Variants in TCF12 observed in about 807,000 individuals in gnomAD.
The protein encoded by TCF12 is DNA-binding protein HTF4.
TCF12 carries 45 observed loss-of-function variants against 86.0 expected under a neutral mutation model. The ratio of observed to expected loss-of-function variants is 0.52; its 90% CI spans 0.41 to 0.67. The LOEUF (loss-of-function observed/expected upper bound fraction) is 0.67. TCF12 is among the 30% of genes least tolerant of loss of function. TCF12 has a pLI of 0.00. For synonymous variants in TCF12, 330 were observed against 299.6 expected (o/e 1.10, Z -1.05); for missense variants, 881 against 859.9 (o/e 1.02, Z -0.31).
At chr15:57,208,014 GGACCCT>G (rs1419742524) in intron 8 of TCF12, among the ~76,000 whole-genome samples, 1 of 150,150 alleles carries the variant, frequency 6.7e-6, no homozygotes, top group Admixed American at 6.7e-5. Flanking sequence ...AATAAAATAT[GGACCCT>G]GACTTCAAGA....
At chr15:57,212,912 T>C (rs2058174166) in intron 8 of TCF12, among the ~76,000 whole-genome samples, 2 of 152,162 alleles carry the variant, frequency 1.3e-5, no homozygotes, top group Admixed American at 1.3e-4. Context: ...CTCCACAGTT[T>C]TCTGGGACCT....
At chr15:56,918,200 G>A (rs754134492), upstream of TCF12, 8 of 456,148 alleles carry the variant, frequency 1.8e-5, no homozygotes, top group South Asian at 1.2e-4. Flanking sequence ...CGTCCAGCGT[G>A]ACCTACTCGG....
At chr15:57,137,298 A>G (rs1022244953) in intron 5 of TCF12, among the ~76,000 whole-genome samples, 1 of 152,106 alleles carries the variant, frequency 6.6e-6, no homozygotes, top group African/African-American at 2.4e-5. Context: ...GTGTTTCTTA[A>G]TGTGATATCC....
At chr15:57,228,017 A>T (rs920207027) in intron 8 of TCF12, among the ~76,000 whole-genome samples, 1 of 152,086 alleles carries the variant, frequency 6.6e-6, no homozygotes, top group African/African-American at 2.4e-5. Flanking sequence ...AACTAGGGGA[A>T]AAAAACTGGC....
chr15:57,060,631 T>TA (rs2068391994), intron 3 of TCF12, among the ~76,000 whole-genome samples: 1 of 152,216 alleles, frequency 6.6e-6, no homozygotes, highest in South Asian at 2.1e-4. Context: ...CGCATGCATA[T>TA]ACTAGAAATG....
chr15:56,919,821 T>C, intron 1 of TCF12, 71 bp from the exon 2 acceptor site: 1 of 1,384,714 alleles, frequency 7.2e-7, no homozygotes, highest in Non-Finnish European at 1.0e-6. Context: ...TCTTCCCCAG[T>C]ACCTCTCTCT....
chr15:57,016,390 G>C (rs542352530), intron 3 of TCF12, among the ~76,000 whole-genome samples: 19 of 152,282 alleles, frequency 1.2e-4, no homozygotes, highest in African/African-American at 4.6e-4. Flanking sequence ...GAGGAAGCCA[G>C]TTGAATTTCT....
intron 16 of TCF12, among the ~76,000 whole-genome samples, chr15:57,257,984 T>C (rs2060427026): frequency 6.6e-6 from 1 of 152,162 alleles, no homozygotes; most frequent in Non-Finnish European, 1.5e-5. Flanking sequence ...AATTTTTTAG[T>C]AGAAAACTGA....
At chr15:56,955,318 G>T (rs1032929243) in intron 3 of TCF12, among the ~76,000 whole-genome samples, 1 of 151,952 alleles carries the variant, frequency 6.6e-6, no homozygotes, top group African/African-American at 2.4e-5. Context: ...ACCAAACACC[G>T]CATGTTCTCA....
chr15:57,217,182 A>G (rs2058367782), intron 8 of TCF12, among the ~76,000 whole-genome samples: 1 of 152,162 alleles, frequency 6.6e-6, no homozygotes, highest in Non-Finnish European at 1.5e-5. Context: ...AACTCTCTTT[A>G]CAAATTATGT....
intron 5 of TCF12, among the ~76,000 whole-genome samples, chr15:57,163,532 T>C (rs942373776): frequency 6.6e-6 from 1 of 152,062 alleles, no homozygotes; most frequent in Non-Finnish European, 1.5e-5. Flanking sequence ...AGACCCTGTC[T>C]CTACTGAAAC....
At chr15:57,050,744 T>C (rs1415104769) in intron 3 of TCF12, among the ~76,000 whole-genome samples, 1 of 152,216 alleles carries the variant, frequency 6.6e-6, no homozygotes, top group African/African-American at 2.4e-5. Context: ...TAATTTTATA[T>C]TGATGTGTGT....
chr15:57,189,331 C>T lies in TCF12; in HGVS notation c.391-2827C>T, dbSNP rs560281574. Among the ~76,000 whole-genome samples the T allele has an allele frequency of 1.3e-4, 20 of 152,174 alleles. 1 individual carries two copies. In the South Asian group the frequency reaches 4.0e-3, roughly 30 times the overall value. Reference sequence around the variant, plus strand: ...GTCTACAGAATGAGGGAAAATTTTGCAATTCATATATCTGATAAGCCTAGT... The same window carrying T: ...GTCTACAGAATGAGGGAAAATTTTGTAATTCATATATCTGATAAGCCTAGT... On this transcript the variant is annotated intron_variant, in intron 6 of 20. Transcript: ENST00000333725.
At chr15:57,247,215 G>C (rs2059906907) in intron 13 of TCF12, 1 of 618,054 alleles carries the variant, frequency 1.6e-6, no homozygotes, top group East Asian at 3.0e-5. Flanking sequence ...CTGTAACCAG[G>C]ACTACCACCA....
intron 5 of TCF12, among the ~76,000 whole-genome samples, chr15:57,100,963 G>A (rs559650391): frequency 7.1e-4 from 108 of 152,198 alleles, no homozygotes; most frequent in Non-Finnish European, 7.4e-5. Context: ...CTACATTGCT[G>A]TAGTTGAATA....
rs1166803955 is a variant in TCF12 at position 57,043,258 on chromosome 15, T to TA, written c.149-20491dup. 1.1e-4 allele frequency among the ~76,000 whole-genome samples: 16 copies of TA among 152,334 alleles called. No homozygotes were observed. In the East Asian group the frequency reaches 1.9e-3, roughly 18 times the overall value. On this transcript the variant is annotated intron_variant, in intron 3 of 20. Transcript: ENST00000333725. Reference sequence around the variant, plus strand: ...ATTTCAATAAACATGGGAATACAGATACCTTTTTGAGATCCTGATTTTAAC... The same window carrying TA: ...ATTTCAATAAACATGGGAATACAGATAACCTTTTTGAGATCCTGATTTTAAC...
At chr15:57,025,081 C>CTTT (rs34260943) in intron 3 of TCF12, among the ~76,000 whole-genome samples, 1 of 147,990 alleles carries the variant, frequency 6.8e-6, no homozygotes, top group Non-Finnish European at 1.5e-5. Flanking sequence ...TCCCCGCTAC[C>CTTT]TTTTTTTTTT....
intron 13 of TCF12, chr15:57,247,207 G>A (rs1318742736): frequency 3.3e-6 from 2 of 611,166 alleles, no homozygotes; most frequent in African/African-American, 1.8e-5. Flanking sequence ...CTCTACTACT[G>A]TAACCAGGAC....
At chr15:57,196,605 CTT>C (rs1279658327) in intron 7 of TCF12, among the ~76,000 whole-genome samples, 1 of 152,130 alleles carries the variant, frequency 6.6e-6, no homozygotes, top group Non-Finnish European at 1.5e-5. Context: ...GTGTTTATCA[CTT>C]TGTTTTACAG....
Sources: allele counts gnomAD v4.1 joint callset (sites outside exome capture counted in the v4.1 genomes callset), GRCh38; gene constraint gnomAD v4.1.1; transcripts MANE v1.5; gene names NCBI Gene and HGNC (gene_info 2026-07-23, HGNC 2026-07-21).